FOXN3: variants seen among roughly 807,000 people sequenced by gnomAD.
The protein encoded by FOXN3 is forkhead box N3.
In FOXN3, 7 loss-of-function variants were observed where a neutral mutation model predicts 38.4. That is an observed-to-expected ratio of 0.18 (90% CI 0.10 to 0.34). The LOEUF is 0.34. Ranked by LOEUF, FOXN3 falls within the 10% of genes least tolerant of loss-of-function variation. The pLI is 1.00. For missense variants in FOXN3, 456 were observed against 613.4 expected (o/e 0.74, Z 2.71); for synonymous variants, 230 against 242.2 (o/e 0.95, Z 0.47).
chr14:89,522,707 A>T, intron 1 of FOXN3, among the ~76,000 whole-genome samples: 1 of 152,112 alleles, frequency 6.6e-6, no homozygotes. Context: ...GTGTAAAGCA[A>T]CCATTAAAAT....
At chr14:89,286,509 G>T (rs1235155663) in intron 3 of FOXN3, among the ~76,000 whole-genome samples, 1 of 152,116 alleles carries the variant, frequency 6.6e-6, no homozygotes, top group South Asian at 2.1e-4. Flanking sequence ...TACTCTTAGC[G>T]CTGGAGATGG....
chr14:89,562,034 A>G (rs948823191), intron 1 of FOXN3, among the ~76,000 whole-genome samples: 14 of 152,230 alleles, frequency 9.2e-5, no homozygotes, highest in Admixed American at 5.2e-4. Flanking sequence ...CAGAGAAAAT[A>G]GGGATGGGTA....
In FOXN3 at chr14:89,363,375, A is replaced by G. The variant is rs1290045463; in HGVS notation, c.544-12567T>C. On this transcript the variant is annotated intron_variant, in intron 2 of 5. Coordinates refer to ENST00000557258, the MANE Select transcript of FOXN3 (RefSeq NM_005197.4). ...AAATACTACAAACTAACCCATGACT[A>G]TGTGCCCATGAGGGGCCACAGGCAA... Among the ~76,000 whole-genome samples, 3 of 152,346 alleles carry G rather than the reference A, an allele frequency of 2.0e-5. No homozygotes were observed. The East Asian group carries it at 5.8e-4, about 29-fold the overall frequency.
Position 89,317,030 on chromosome 14 carries a change from T to A in FOXN3, c.680+33642A>T, listed in dbSNP as rs533477016. ...GATCAGCAGCAGGAGCTAACTCATA[T>A]AACATTCTATGCAGTAGAACCTGCA... On this transcript the variant is annotated intron_variant, in intron 3 of 5. Coordinates refer to ENST00000557258, the MANE Select transcript of FOXN3 (RefSeq NM_005197.4). Among the ~76,000 whole-genome samples, 6 of 152,316 alleles carry A rather than the reference T, an allele frequency of 3.9e-5. No individual in the cohort carries two copies. In the South Asian group the frequency reaches 1.2e-3, roughly 32 times the overall value.
chr14:89,459,781 C>A (rs1041120586), intron 1 of FOXN3, among the ~76,000 whole-genome samples: 11 of 152,152 alleles, frequency 7.2e-5, no homozygotes, highest in African/African-American at 2.7e-4. Context: ...ACCCGGAACC[C>A]TTTGCTAGGA....
At chr14:89,511,136 C>CT (rs147636117) in intron 1 of FOXN3, among the ~76,000 whole-genome samples, 2,829 of 30,302 alleles carry the variant, frequency 0.093, 536 homozygotes, top group Non-Finnish European at 0.23. Flanking sequence ...TTCTTTCTTT[C>CT]TTTCTTTTCT....
chr14:89,277,297 G>A (rs1012975625), intron 4 of FOXN3, among the ~76,000 whole-genome samples: 2 of 152,160 alleles, frequency 1.3e-5, no homozygotes, highest in Non-Finnish European at 2.9e-5. Context: ...AGCTGGCCAC[G>A]CCTGCAGGGC....
At chr14:89,549,587 A>C (rs1894960171) in intron 1 of FOXN3, among the ~76,000 whole-genome samples, 4 of 152,054 alleles carry the variant, frequency 2.6e-5, no homozygotes, top group Admixed American at 2.6e-4. Context: ...AACAAACCCC[A>C]AATCTTATAC....
chr14:89,285,152 T>A (rs1886584721), intron 3 of FOXN3, among the ~76,000 whole-genome samples: 1 of 152,168 alleles, frequency 6.6e-6, no homozygotes, highest in South Asian at 2.1e-4. Flanking sequence ...TTTCTGTGGA[T>A]CTCAATGAGA....
intron 1 of FOXN3, among the ~76,000 whole-genome samples, chr14:89,500,981 A>C (rs1407092907): frequency 6.6e-6 from 1 of 152,208 alleles, no homozygotes; most frequent in Non-Finnish European, 1.5e-5. Context: ...TTGAGTAGCT[A>C]ACTGTCCTCA....
chr14:89,532,036 T>C (rs1756303), intron 1 of FOXN3, among the ~76,000 whole-genome samples: 111,411 of 152,104 alleles, frequency 0.73, 41,251 homozygotes, highest in Admixed American at 0.81. Context: ...CACTTGGGAA[T>C]GTGGGAGAAA....
chr14:89,245,882 C>T (rs1596128437), intron 4 of FOXN3, among the ~76,000 whole-genome samples: 2 of 152,230 alleles, frequency 1.3e-5, no homozygotes, highest in East Asian at 1.9e-4. Context: ...ATCCCCCAGA[C>T]CCCAACCCGC....
At chr14:89,311,758 A>T (rs1596174238) in intron 3 of FOXN3, among the ~76,000 whole-genome samples, 2 of 149,728 alleles carry the variant, frequency 1.3e-5, no homozygotes, top group South Asian at 2.2e-4. Context: ...CCTGGGAGGC[A>T]GAGGTTGCAG....
intron 3 of FOXN3, among the ~76,000 whole-genome samples, chr14:89,337,047 A>G (rs894365198): frequency 6.6e-6 from 1 of 152,154 alleles, no homozygotes. Context: ...AGAACAATCC[A>G]TTAAAAATCA....
chr14:89,345,100 T>C (rs370719015), intron 3 of FOXN3, among the ~76,000 whole-genome samples: 1 of 152,128 alleles, frequency 6.6e-6, no homozygotes, highest in African/African-American at 2.4e-5. Context: ...CCACGGGTAC[T>C]CTACAAAGCA....
At chr14:89,243,142 T>C (rs1596126704) in intron 4 of FOXN3, among the ~76,000 whole-genome samples, 1 of 152,154 alleles carries the variant, frequency 6.6e-6, no homozygotes, top group Middle Eastern at 3.4e-3. Flanking sequence ...GGGGCTCCTA[T>C]CCCCAAAGGG....
chr14:89,393,324 C>T (rs1891008743), intron 2 of FOXN3, among the ~76,000 whole-genome samples: 1 of 152,180 alleles, frequency 6.6e-6, no homozygotes, highest in Non-Finnish European at 1.5e-5. Context: ...AACTTGATTA[C>T]ATCTTTTCCA....
In FOXN3 at chr14:89,162,339, C is replaced by T; in HGVS notation, c.*75G>A. 7.9e-7 allele frequency: 1 copy of T among 1,261,624 alleles called. No homozygotes were observed. Among genetic ancestry groups the T allele is most frequent in the Non-Finnish European group, 1.1e-6 (1 of 934,256 alleles). The allele number at this position is 1,261,624 out of a possible 1,614,324, so 78.2% of individuals were successfully genotyped here. A position where few individuals can be genotyped will look rare whatever the true frequency, so the allele number is the denominator to read the frequency against. On this transcript the variant is annotated 3_prime_UTR_variant, in exon 6 of 6. Transcript: ENST00000557258. The surrounding 1 kb of genome is among the most constrained non-coding windows in gnomAD (Gnocchi z 7.2). ...AAAAGAAAAAAAATTGCTGATATTG[C>T]CACAAATCATTAGAAATCTCCTGAC... is the stretch of plus-strand genomic sequence containing the variant.
intron 1 of FOXN3, among the ~76,000 whole-genome samples, chr14:89,415,877 C>CACACACACACACACACACACAG (rs1171448340): frequency 1.2e-4 from 18 of 145,646 alleles, no homozygotes; most frequent in Non-Finnish European, 2.4e-4. Context: ...CACACACACA[C>CACACACACACACACACACACAG]ACACACCCTC....
Sources: gnomAD v4.1 joint callset for allele counts (sites outside exome capture counted in the v4.1 genomes callset) on GRCh38, gnomAD v4.1.1 for gene constraint, Gnocchi (gnomAD v3.1) non-coding constraint, MANE v1.5 for transcripts, NCBI Gene and HGNC (gene_info 2026-07-23, HGNC 2026-07-21) for gene names.